Variants in AUTS2 observed in about 807,000 individuals in gnomAD.
AUTS2 encodes the protein autism susceptibility gene 2 protein.
In AUTS2, 17 loss-of-function variants were observed where a neutral mutation model predicts 112.4. The observed-to-expected ratio is 0.15, with a 90% CI of 0.10 to 0.23. The LOEUF (loss-of-function observed/expected upper bound fraction) is 0.23. Among genes scored for constraint, AUTS2 ranks in the 10% least tolerant of loss-of-function variants. The pLI, the probability that AUTS2 is intolerant of heterozygous loss-of-function variation, is 1.00. For synonymous variants in AUTS2, 751 were observed against 702.7 expected, an observed-to-expected ratio of 1.07 and a Z score of -1.09; for missense variants, 1,510 against 1,701.6, an observed-to-expected ratio of 0.89 and a Z score of 1.98.
chr7:70,135,173 GA>G (rs1806485708), intron 4 of AUTS2, among the ~76,000 whole-genome samples: 1 of 151,962 alleles, frequency 6.6e-6, no homozygotes, highest in African/African-American at 2.4e-5. Flanking sequence ...ACCCTTCAGG[GA>G]TTATCACAAT....
chr7:70,781,892 C>A, intron 15 of AUTS2, 136 bp downstream of exon 15: 1 of 1,067,196 alleles, frequency 9.4e-7, no homozygotes, highest in South Asian at 1.6e-5. Flanking sequence ...TGCAAGGCAA[C>A]ATCGCAGCAC....
chr7:70,107,669 G>T (rs1471383668), intron 2 of AUTS2, among the ~76,000 whole-genome samples: 2 of 150,224 alleles, frequency 1.3e-5, no homozygotes, highest in African/African-American at 4.9e-5. Context: ...ACAGGGATAT[G>T]TTATGAACTT....
At chr7:70,714,800 C>A (rs1810264731) in intron 6 of AUTS2, among the ~76,000 whole-genome samples, 1 of 152,166 alleles carries the variant, frequency 6.6e-6, no homozygotes, top group African/African-American at 2.4e-5. Flanking sequence ...GAGTTCCTGG[C>A]AAGAAAACTT....
intron 5 of AUTS2, among the ~76,000 whole-genome samples, chr7:70,565,829 T>C (rs1330600356): frequency 6.6e-6 from 1 of 152,250 alleles, no homozygotes; most frequent in African/African-American, 2.4e-5. Context: ...GACAGAGCTT[T>C]GTGCTCATGG....
chr7:70,376,743 T>A (rs1340398416), intron 4 of AUTS2, among the ~76,000 whole-genome samples: 1 of 149,590 alleles, frequency 6.7e-6, no homozygotes, highest in Non-Finnish European at 1.5e-5. Flanking sequence ...AATGCAGTTC[T>A]GCTCTGGGAG....
chr7:69,744,991 C>CATTTGGCTGCTTCTTGAGAGG (rs1232697032), intron 1 of AUTS2, among the ~76,000 whole-genome samples: 1 of 152,126 alleles, frequency 6.6e-6, no homozygotes, highest in African/African-American at 2.4e-5. Flanking sequence ...TGCTGCAGTC[C>CATTTGGCTGCTTCTTGAGAGG]ATTTGGCTGC....
chr7:70,555,236 G>T (rs1048074101), intron 5 of AUTS2, among the ~76,000 whole-genome samples: 2 of 152,202 alleles, frequency 1.3e-5, no homozygotes, highest in African/African-American at 4.8e-5. Flanking sequence ...AGACCCTGTT[G>T]GAGGAAGCAT....
At chr7:69,853,196 G>C (rs1348990287) in intron 1 of AUTS2, among the ~76,000 whole-genome samples, 2 of 152,186 alleles carry the variant, frequency 1.3e-5, no homozygotes, top group East Asian at 3.9e-4. Flanking sequence ...CTGATTTTCT[G>C]TCTAGTTGCT....
At chr7:70,397,994 AGTTT>A (rs1017148666) in intron 4 of AUTS2, among the ~76,000 whole-genome samples, 4 of 152,152 alleles carry the variant, frequency 2.6e-5, no homozygotes, top group South Asian at 2.1e-4. Flanking sequence ...TATAGATTCA[AGTTT>A]GTTTGTTTGT....
At chr7:70,779,882 G>GA (rs1404795282) in intron 14 of AUTS2, among the ~76,000 whole-genome samples, 1 of 152,006 alleles carries the variant, frequency 6.6e-6, no homozygotes, top group Non-Finnish European at 1.5e-5. Context: ...CTACCAAAAT[G>GA]AAAAAACATT....
intron 1 of AUTS2, among the ~76,000 whole-genome samples, chr7:69,614,786 G>A (rs1472049390): frequency 6.6e-6 from 1 of 150,828 alleles, no homozygotes; most frequent in Non-Finnish European, 1.5e-5. Context: ...GCCCATCTGA[G>A]TGTCCGTATG....
chr7:70,367,457 A>AT (rs932356500), intron 4 of AUTS2, among the ~76,000 whole-genome samples: 18 of 151,590 alleles, frequency 1.2e-4, no homozygotes, highest in Middle Eastern at 3.4e-3. Flanking sequence ...TTGGGAGGCT[A>AT]AGGCAGGAGA....
At chr7:70,165,691 G>A (rs1808344591) in intron 4 of AUTS2, among the ~76,000 whole-genome samples, 1 of 152,176 alleles carries the variant, frequency 6.6e-6, no homozygotes, top group African/African-American at 2.4e-5. Flanking sequence ...GATAGCAGGA[G>A]TACGCTGCTC....
intron 5 of AUTS2, among the ~76,000 whole-genome samples, chr7:70,509,377 G>A (rs1799094612): frequency 6.6e-6 from 1 of 152,322 alleles, no homozygotes; most frequent in Non-Finnish European, 1.5e-5. Flanking sequence ...TCTGACTTGG[G>A]AGGAAGGTTG....
intron 4 of AUTS2, among the ~76,000 whole-genome samples, chr7:70,249,744 A>G (rs763407311): frequency 1.3e-5 from 2 of 152,050 alleles, no homozygotes; most frequent in African/African-American, 2.4e-5. Context: ...CTCTGACTCA[A>G]ACTCAGTAAG....
Position 69,599,305 on chromosome 7 carries a change from AG to A in AUTS2, c.-348del, listed in dbSNP as rs1222718552. The A allele has an allele frequency of 9.7e-6, 2 of 205,230 alleles. No individual in the cohort carries two copies. Among genetic ancestry groups the A allele is most frequent in the Non-Finnish European group, 1.9e-5 (2 of 102,900 alleles). The allele number at this position is 205,230 out of a possible 1,614,324, so 12.7% of individuals were successfully genotyped here. On this transcript the variant is annotated 5_prime_UTR_variant, in exon 1 of 19. Coordinates refer to ENST00000342771, the MANE Select transcript of AUTS2 (RefSeq NM_015570.4). The surrounding 1 kb of genome is among the most constrained non-coding windows in gnomAD (Gnocchi z 7.0). ...ATTCTGATTTATTGCTTGCTTGGTG[AG>A]TTATTTTTTTTTCCTCTAAAGGAGA...
At chr7:70,079,752 A>G (rs201194278) in intron 2 of AUTS2, among the ~76,000 whole-genome samples, 2 of 152,252 alleles carry the variant, frequency 1.3e-5, no homozygotes, top group East Asian at 3.9e-4. Flanking sequence ...CACCACAGAA[A>G]TTGGTAAACA....
chr7:70,750,269 G>A (rs1171130795), intron 6 of AUTS2, among the ~76,000 whole-genome samples: 1 of 152,076 alleles, frequency 6.6e-6, no homozygotes, highest in African/African-American at 2.4e-5. Context: ...GGTGCGGAGA[G>A]TATGTGTGTG....
chr7:69,808,523 T>A (rs572290223), intron 1 of AUTS2, among the ~76,000 whole-genome samples: 70 of 151,780 alleles, frequency 4.6e-4, no homozygotes, highest in Middle Eastern at 3.4e-3. Context: ...AAAAAAAAAA[T>A]TTTTTTTCAG....
Sources: gnomAD v4.1 joint callset for allele counts (sites outside exome capture counted in the v4.1 genomes callset) on GRCh38, gnomAD v4.1.1 for gene constraint, Gnocchi (gnomAD v3.1) non-coding constraint, MANE v1.5 for transcripts, NCBI Gene and HGNC (gene_info 2026-07-23, HGNC 2026-07-21) for gene names.